BCAS1: variants seen among roughly 807,000 people sequenced by gnomAD.
BCAS1 encodes brain enriched myelin associated protein 1.
In BCAS1, 46 loss-of-function variants were observed where a neutral mutation model predicts 65.4. The observed-to-expected ratio is 0.70, with a 90% CI of 0.55 to 0.90. The LOEUF (loss-of-function observed/expected upper bound fraction) is 0.90, where lower values mean the gene tolerates loss of function less well. Among genes scored for constraint, BCAS1 ranks in the 40% least tolerant of loss-of-function variants. The pLI is 0.00. For synonymous variants in BCAS1, 298 were observed against 293.5 expected (o/e 1.02, Z -0.16); for missense variants, 793 against 771.2 (o/e 1.03, Z -0.33).
At chr20:54,058,270 G>T (rs911247088) in intron 2 of BCAS1, 116 bp from the exon 3 acceptor site, 8 of 959,634 alleles carry the variant, frequency 8.3e-6, no homozygotes, top group African/African-American at 4.9e-5. Context: ...TAACTTAAAG[G>T]CTGTGTTTCT....
At chr20:53,994,938 G>A in intron 6 of BCAS1, 74 bp downstream of exon 6, 1 of 1,277,934 alleles carries the variant, frequency 7.8e-7, no homozygotes, top group East Asian at 2.5e-5. Context: ...CAAAAAACAA[G>A]CAGGCAGACA....
chr20:54,043,581 C>T (rs290387), intron 3 of BCAS1, among the ~76,000 whole-genome samples: 2 of 151,958 alleles, frequency 1.3e-5, no homozygotes, highest in Non-Finnish European at 2.9e-5. Context: ...TAAACAAGGA[C>T]GCTTTCCAGT....
intron 3 of BCAS1, among the ~76,000 whole-genome samples, chr20:54,041,909 C>CA (rs796435949): frequency 0.07 from 5,527 of 79,428 alleles, 120 homozygotes; most frequent in East Asian, 0.17. Context: ...CTGTCTCCCC[C>CA]AAAAAAAAAA....
At chr20:54,062,043 G>A (rs1433186639) in intron 1 of BCAS1, among the ~76,000 whole-genome samples, 1 of 152,162 alleles carries the variant, frequency 6.6e-6, no homozygotes. Flanking sequence ...CATAAATAAA[G>A]TTTTGCTGGA....
At chr20:54,053,362 C>T (rs1220691116) in intron 3 of BCAS1, among the ~76,000 whole-genome samples, 1 of 152,178 alleles carries the variant, frequency 6.6e-6, no homozygotes, top group East Asian at 1.9e-4. Context: ...AAGCACTCTA[C>T]ACGATACATT....
At chr20:54,069,835 G>A (rs1331816454) in intron 1 of BCAS1, among the ~76,000 whole-genome samples, 2 of 152,160 alleles carry the variant, frequency 1.3e-5, no homozygotes, top group Non-Finnish European at 1.5e-5. Context: ...TGGCTGCAGC[G>A]CACCCGCATT....
intron 12 of BCAS1, among the ~76,000 whole-genome samples, chr20:53,950,691 G>A (rs903077201): frequency 3.9e-5 from 6 of 152,164 alleles, no homozygotes; most frequent in Non-Finnish European, 7.3e-5. Context: ...CAGGGACCCT[G>A]TCCCCTTTGT....
At chr20:54,051,205 G>T (rs903752867) in intron 3 of BCAS1, among the ~76,000 whole-genome samples, 21 of 152,194 alleles carry the variant, frequency 1.4e-4, no homozygotes, top group African/African-American at 5.1e-4. Context: ...ACAGTGGTGT[G>T]TGGGACTAAA....
chr20:53,991,597 T>C (rs181749663), intron 7 of BCAS1, among the ~76,000 whole-genome samples: 10 of 152,330 alleles, frequency 6.6e-5, no homozygotes, highest in African/African-American at 2.4e-4. Context: ...TTCTTAGACA[T>C]TGGAAGCATA....
At chr20:54,051,074 T>A (rs2092203863) in intron 3 of BCAS1, among the ~76,000 whole-genome samples, 1 of 152,182 alleles carries the variant, frequency 6.6e-6, no homozygotes, top group Non-Finnish European at 1.5e-5. Flanking sequence ...GTCATTCTCC[T>A]TTCTTATTGG....
At chr20:53,999,464 A>C (rs1187650708) in intron 4 of BCAS1, among the ~76,000 whole-genome samples, 1 of 152,226 alleles carries the variant, frequency 6.6e-6, no homozygotes, top group African/African-American at 2.4e-5. Context: ...TTTTTGCCTA[A>C]GTAGCATTCC....
intron 3 of BCAS1, among the ~76,000 whole-genome samples, chr20:54,043,381 A>T (rs373838152): frequency 6.6e-6 from 1 of 152,274 alleles, no homozygotes; most frequent in African/African-American, 2.4e-5. Flanking sequence ...GGTAGGGAAA[A>T]AAATAAACCT....
At chr20:54,051,726 T>TTGTTG (rs1555881109) in intron 3 of BCAS1, among the ~76,000 whole-genome samples, 2 of 149,122 alleles carry the variant, frequency 1.3e-5, no homozygotes, top group African/African-American at 2.5e-5. Flanking sequence ...TTTTTTTTTG[T>TTGTTG]TTGTTGTTGT....
intron 4 of BCAS1, among the ~76,000 whole-genome samples, chr20:54,018,418 T>TC (rs2091485904): frequency 2.0e-5 from 3 of 150,976 alleles, no homozygotes; most frequent in African/African-American, 7.4e-5. Flanking sequence ...TTTTTTTTTT[T>TC]CGAGACAGAG....
At chr20:54,010,154 C>T (rs775042376) in intron 4 of BCAS1, among the ~76,000 whole-genome samples, 2 of 152,094 alleles carry the variant, frequency 1.3e-5, no homozygotes, top group Non-Finnish European at 2.9e-5. Context: ...GAATGCATTT[C>T]TCCTAAGATT....
chr20:53,998,575 G>A (rs1207010490), intron 4 of BCAS1, among the ~76,000 whole-genome samples: 1 of 152,202 alleles, frequency 6.6e-6, no homozygotes, highest in African/African-American at 2.4e-5. Flanking sequence ...CCAAGGAGAT[G>A]GCCCAAGCCA....
At chr20:54,061,247 G>T (rs1049895776) in intron 1 of BCAS1, among the ~76,000 whole-genome samples, 2 of 152,172 alleles carry the variant, frequency 1.3e-5, no homozygotes, top group Non-Finnish European at 2.9e-5. Flanking sequence ...CTAACCACCG[G>T]AATGTTCTGC....
chr20:53,957,440 T>C lies in BCAS1; in HGVS notation c.1543A>G (p.Ser515Gly), dbSNP rs779606555. The change falls in exon 11 of 13, where the codon AGC (serine) becomes GGC (glycine). Residue 515 changes from serine (S) to glycine (G), a missense_variant. By Grantham distance (56) the Ser-to-Gly change is moderately conservative. Coordinates refer to ENST00000688948, the MANE Select transcript of BCAS1 (RefSeq NM_001366298.2). The stretch of plus-strand genomic sequence containing the variant: ...AGTTCGAGGTCACTTACTTGGCAGC[T>C]GGAGTCTTTCCCATTTATTTCTTCT... The part of the protein sequence containing the change: ...HSEEINGKDS[S>G]CQTSDSTEKT... 5 of 1,613,858 alleles carry C rather than the reference T, an allele frequency of 3.1e-6. No individual in the cohort carries two copies. The South Asian group carries it at 5.5e-5, about 18-fold the overall frequency.
intron 8 of BCAS1, among the ~76,000 whole-genome samples, chr20:53,984,230 T>C (rs1299177433): frequency 6.6e-6 from 1 of 152,192 alleles, no homozygotes; most frequent in Non-Finnish European, 1.5e-5. Context: ...TATACCTCAC[T>C]TGGAAATTGT....
Sources: gnomAD v4.1 joint callset for allele counts (sites outside exome capture counted in the v4.1 genomes callset) on GRCh38, gnomAD v4.1.1 for gene constraint, MANE v1.5 for transcripts, NCBI Gene and HGNC (gene_info 2026-07-23, HGNC 2026-07-21) for gene names.